Variants in AKAP8 observed in about 807,000 individuals in gnomAD.
The protein encoded by AKAP8 is A-kinase anchoring protein 8.
Under a neutral mutation model 67.5 loss-of-function variants are expected in AKAP8, and 24 were observed. The ratio of observed to expected loss-of-function variants is 0.36; its 90% CI spans 0.26 to 0.50. AKAP8 has a LOEUF of 0.50. AKAP8 is among the 20% of genes least tolerant of loss of function. The probability of loss-of-function intolerance (pLI) is 0.97; values close to 1 mark genes in which losing one functional copy is unlikely to be tolerated. For synonymous variants in AKAP8, 400 were observed against 371.1 expected (o/e 1.08, Z -0.90); for missense variants, 971 against 955.9 (o/e 1.02, Z -0.21).
intron 9 of AKAP8, among the ~76,000 whole-genome samples, chr19:15,365,960 G>A (rs1057052255): frequency 1.3e-5 from 2 of 150,902 alleles, no homozygotes; most frequent in African/African-American, 4.9e-5. Flanking sequence ...GAGGTGGACT[G>A]TTGCAGTGAG....
Position 15,372,844 on chromosome 19 carries a change from G to A in AKAP8, c.861+7C>T, listed in dbSNP as rs867793289. 1 of 1,498,850 alleles carries A rather than the reference G, an allele frequency of 6.7e-7. No individual in the cohort carries two copies. The highest frequency in any genetic ancestry group is 1.4e-5 in the African/African-American group (1 of 71,496). The allele number at this position is 1,498,850 out of a possible 1,614,324, so 92.8% of individuals were successfully genotyped here. A position where few individuals can be genotyped will look rare whatever the true frequency, so the allele number is the denominator to read the frequency against. On this transcript the variant is annotated splice_region_variant and intron_variant, in intron 5 of 13. Coordinates refer to ENST00000269701, the MANE Select transcript of AKAP8 (RefSeq NM_005858.4). ...AGGCGGCCGGAAGGAACCTTGCGAGGGCTTACCCGATCCCGATCCCGCATC... is the reference window on the plus strand; with the variant it reads ...AGGCGGCCGGAAGGAACCTTGCGAGAGCTTACCCGATCCCGATCCCGCATC...
intron 2 of AKAP8, 43 bp downstream of exon 2, chr19:15,376,933 T>C (rs946791571): frequency 1.3e-6 from 2 of 1,597,972 alleles, no homozygotes; most frequent in African/African-American, 2.7e-5. Context: ...GGCCTTGAGT[T>C]AGGGGAAGCC....
intron 8 of AKAP8, 82 bp from the exon 9 acceptor site, chr19:15,368,404 C>T (rs1967103422): frequency 4.4e-6 from 7 of 1,602,168 alleles, no homozygotes; most frequent in Admixed American, 1.7e-5. Flanking sequence ...GGGGCTGCAG[C>T]TTGGCCACCG....
At chr19:15,355,922 G>A (rs2048275244) in intron 13 of AKAP8, among the ~76,000 whole-genome samples, 1 of 152,006 alleles carries the variant, frequency 6.6e-6, no homozygotes, top group Admixed American at 6.6e-5. Flanking sequence ...TTTTAGTGGA[G>A]ACGGGGTTTC....
intron 1 of AKAP8, among the ~76,000 whole-genome samples, chr19:15,377,373 G>A (rs1023255924): frequency 2.0e-5 from 3 of 152,168 alleles, no homozygotes; most frequent in Non-Finnish European, 4.4e-5. Context: ...ACACAGCTAG[G>A]AAACCAGTTC....
At chr19:15,362,383 C>CT (rs373284625) in intron 9 of AKAP8, 132 bp from the exon 10 acceptor site, 1 of 376,602 alleles carries the variant, frequency 2.7e-6, no homozygotes, top group African/African-American at 8.1e-5. Flanking sequence ...CTCTCCCTCT[C>CT]CCCACGGTCT....
At chr19:15,373,420 C>A (rs931658367) in intron 4 of AKAP8, 80 bp from the exon 5 acceptor site, 7 of 1,479,430 alleles carry the variant, frequency 4.7e-6, no homozygotes, top group Middle Eastern at 2.3e-4. Context: ...CCTCGACGCC[C>A]CTACATTCAA....
chr19:15,370,836 T>C (rs1967144419), intron 7 of AKAP8, among the ~76,000 whole-genome samples: 1 of 152,052 alleles, frequency 6.6e-6, no homozygotes, highest in Admixed American at 6.6e-5. Flanking sequence ...TTCACCATAT[T>C]GGCCAGGATG....
At chr19:15,372,604 T>C (rs1967178078) in intron 5 of AKAP8, among the ~76,000 whole-genome samples, 1 of 151,340 alleles carries the variant, frequency 6.6e-6, no homozygotes, top group Non-Finnish European at 1.5e-5. Flanking sequence ...GTGGTGGTTG[T>C]CGGGGGCTGG....
At chr19:15,375,499 G>A (rs531830446) in intron 2 of AKAP8, among the ~76,000 whole-genome samples, 1 of 152,242 alleles carries the variant, frequency 6.6e-6, no homozygotes, top group Admixed American at 6.5e-5. Context: ...ATTTTGACAT[G>A]AGATACATCA....
intron 11 of AKAP8, 43 bp from the exon 12 acceptor site, chr19:15,361,021 G>A (rs1212655572): frequency 6.3e-7 from 1 of 1,597,500 alleles, no homozygotes; most frequent in East Asian, 2.2e-5. Flanking sequence ...GACAGCAAGT[G>A]ATGCTTTCCT....
At chr19:15,368,007 C>A (rs1212542206) in intron 9 of AKAP8, among the ~76,000 whole-genome samples, 1 of 152,236 alleles carries the variant, frequency 6.6e-6, no homozygotes, top group African/African-American at 2.4e-5. Flanking sequence ...ACCTAACCAC[C>A]AAAGCAACGT....
At chr19:15,368,094 A>T in intron 9 of AKAP8, 141 bp downstream of exon 9, 2 of 990,818 alleles carry the variant, frequency 2.0e-6, no homozygotes, top group Non-Finnish European at 3.0e-6. Context: ...CCAATTGTTT[A>T]CTGTTTTGCC....
rs115806805 is a variant in AKAP8 at position 15,361,944 on chromosome 19, G to A, written c.1303-122C>T. 1,393 of 1,342,600 alleles carry A rather than the reference G, an allele frequency of 1.0e-3. 9 individuals carry two copies. In the African/African-American group the frequency reaches 0.017, roughly 17 times the overall value. 83.2% of individuals were successfully genotyped at this position (1,342,600 alleles called of 1,614,324 possible). On this transcript the variant is annotated intron_variant, in intron 10 of 13. Coordinates refer to ENST00000269701, the MANE Select transcript of AKAP8 (RefSeq NM_005858.4). Reference sequence around the variant, plus strand: ...CTGCGTGGGGCAGCACAGCACGATGGCTGGAGCTCCCGGTTGTCCCTGTGA... The same window carrying A: ...CTGCGTGGGGCAGCACAGCACGATGACTGGAGCTCCCGGTTGTCCCTGTGA...
At chr19:15,379,631 G>T (rs550750742) in intron 1 of AKAP8, 82 bp downstream of exon 1, 3 of 1,505,730 alleles carry the variant, frequency 2.0e-6, no homozygotes, top group Non-Finnish European at 2.7e-6. Context: ...ACGAAGGCCC[G>T]GCCGGCGGCA....
chr19:15,363,471 CGGGA>C (rs1967012983), intron 9 of AKAP8, among the ~76,000 whole-genome samples: 1 of 143,494 alleles, frequency 7.0e-6, no homozygotes, highest in African/African-American at 2.6e-5. Context: ...CCGCCCCGTC[CGGGA>C]GGGAGGTGGG....
Position 15,355,115 on chromosome 19 carries a change from C to A in AKAP8, c.1879G>T (p.Glu627Ter). 6.2e-7 allele frequency: 1 copy of A among 1,613,796 alleles called. No individual in the cohort carries two copies. The highest frequency in any genetic ancestry group is 8.5e-7 in the Non-Finnish European group (1 of 1,180,040). Residue 627 changes from glutamate (E) to a stop codon, truncating the protein, a stop_gained, in exon 14 of 14, where the codon GAG becomes TAG. Transcript: ENST00000269701. LOFTEE classifies it low-confidence loss of function (END_TRUNC). ...TGTGCCGTTCCACAGGGCACCTGCTCTTCCAGCAGCTGTTCGGCTTGAGGA... is the reference window on the plus strand; with the variant it reads ...TGTGCCGTTCCACAGGGCACCTGCTATTCCAGCAGCTGTTCGGCTTGAGGA... Reference protein sequence around the residue: ...SDPQAEQLLEEQVPCGTAHEK... With the variant: ...SDPQAEQLLE
intron 8 of AKAP8, chr19:15,368,747 C>T (rs1599566131): frequency 1.0e-6 from 1 of 985,354 alleles, no homozygotes. Context: ...GCTGCTCCGC[C>T]GCCCTCTATC....
At chr19:15,379,666 G>A in intron 1 of AKAP8, 47 bp downstream of exon 1, 3 of 1,590,026 alleles carry the variant, frequency 1.9e-6, no homozygotes, top group Non-Finnish European at 8.5e-7. Flanking sequence ...TGCGTCGCCC[G>A]CACAGAGCCT....
Sources: gnomAD v4.1 joint callset for allele counts (sites outside exome capture counted in the v4.1 genomes callset) on GRCh38, gnomAD v4.1.1 for gene constraint, MANE v1.5 for transcripts, NCBI Gene and HGNC (gene_info 2026-07-23, HGNC 2026-07-21) for gene names.